The following SLC12A1 variants were observed in gnomAD, a reference collection of about 807,000 sequenced individuals.
The protein encoded by SLC12A1 is Na-K-2Cl cotransporter.
Under a neutral mutation model 130.4 loss-of-function variants are expected in SLC12A1, and 89 were observed. That is an observed-to-expected ratio of 0.68 (90% CI 0.58 to 0.81). The LOEUF is 0.81. Among genes scored for constraint, SLC12A1 ranks in the 40% least tolerant of loss-of-function variants. The pLI, the probability that SLC12A1 is intolerant of heterozygous loss-of-function variation, is 0.00. For missense variants in SLC12A1, 1,310 were observed against 1,336.4 expected (o/e 0.98, Z 0.31); for synonymous variants, 499 against 460.0 (o/e 1.08, Z -1.09).
At chr15:48,271,640 G>C (rs2041900304) in intron 19 of SLC12A1, among the ~76,000 whole-genome samples, 1 of 152,090 alleles carries the variant, frequency 6.6e-6, no homozygotes, top group Non-Finnish European at 1.5e-5. Context: ...TCACTCAACA[G>C]TCTTTCTAAT....
At chr15:48,230,787 G>A (rs544237771) in intron 7 of SLC12A1, among the ~76,000 whole-genome samples, 2 of 152,316 alleles carry the variant, frequency 1.3e-5, no homozygotes, top group East Asian at 1.9e-4. Context: ...AGTGGTGCAC[G>A]CTGGAAGCCT....
chr15:48,238,670 A>C (rs1211354121), intron 9 of SLC12A1, among the ~76,000 whole-genome samples: 1 of 152,168 alleles, frequency 6.6e-6, no homozygotes, highest in Admixed American at 6.6e-5. Flanking sequence ...TTCTCTTTGA[A>C]AGTGAACCTA....
intron 3 of SLC12A1, 73 bp from the exon 4 acceptor site, chr15:48,220,848 C>G: frequency 1.2e-6 from 2 of 1,609,958 alleles, no homozygotes; most frequent in South Asian, 2.2e-5. Flanking sequence ...CTGGGCACAG[C>G]TTTATGAAGA....
chr15:48,245,795 T>C (rs148974552), intron 11 of SLC12A1, among the ~76,000 whole-genome samples: 4 of 152,232 alleles, frequency 2.6e-5, no homozygotes, highest in African/African-American at 7.2e-5. Flanking sequence ...AGTAAAGAGA[T>C]TGCTCGGTCA....
intron 2 of SLC12A1, among the ~76,000 whole-genome samples, chr15:48,210,855 C>T (rs2041044351): frequency 6.6e-6 from 1 of 151,374 alleles, no homozygotes; most frequent in African/African-American, 2.4e-5. Flanking sequence ...AGGAGTGAAA[C>T]TCCATCTCAA....
intron 13 of SLC12A1, among the ~76,000 whole-genome samples, chr15:48,247,837 T>G (rs893212400): frequency 6.6e-6 from 1 of 152,224 alleles, no homozygotes; most frequent in Admixed American, 6.5e-5. Context: ...ACTGACCATC[T>G]ATATCGCAAT....
intron 15 of SLC12A1, 91 bp from the exon 16 acceptor site, chr15:48,255,720 A>G: frequency 2.4e-6 from 2 of 828,600 alleles, no homozygotes; most frequent in Non-Finnish European, 3.8e-6. Context: ...TAGCCAAGGA[A>G]AATCATAGAA....
intron 2 of SLC12A1, among the ~76,000 whole-genome samples, chr15:48,211,447 T>G (rs980187418): frequency 5.9e-5 from 9 of 152,172 alleles, no homozygotes; most frequent in African/African-American, 1.9e-4. Flanking sequence ...CCCTTGACAT[T>G]TTTATGGTAG....
At chr15:48,274,477 A>G in intron 19 of SLC12A1, 94 bp from the exon 20 acceptor site, 1 of 789,582 alleles carries the variant, frequency 1.3e-6, no homozygotes, top group Admixed American at 2.0e-5. Context: ...TAGTTTCATT[A>G]TATCAAAATC....
At chr15:48,213,545 C>T (rs2041081643) in intron 2 of SLC12A1, among the ~76,000 whole-genome samples, 1 of 149,890 alleles carries the variant, frequency 6.7e-6, no homozygotes, top group South Asian at 2.1e-4. Context: ...GCTCTGTCAC[C>T]CGGGCTAGAG....
intron 7 of SLC12A1, 94 bp downstream of exon 7, chr15:48,230,597 C>T: frequency 2.6e-6 from 2 of 768,372 alleles, no homozygotes; most frequent in Non-Finnish European, 4.5e-6. Context: ...AAAGGAATTG[C>T]TGTTATTACC....
At chr15:48,263,183 T>A (rs988559832) in intron 17 of SLC12A1, among the ~76,000 whole-genome samples, 2 of 152,210 alleles carry the variant, frequency 1.3e-5, no homozygotes, top group African/African-American at 2.4e-5. Context: ...GGAATTTTTT[T>A]ATTAAAATGA....
chr15:48,288,302 CTTAA>C (rs1182560219), intron 22 of SLC12A1, 99 bp from the exon 23 acceptor site: 1 of 1,134,474 alleles, frequency 8.8e-7, no homozygotes, highest in African/African-American at 1.6e-5. Context: ...AAGACTATAA[CTTAA>C]TTAAGAGCTA....
At chr15:48,248,271 C>G (rs542352304) in intron 13 of SLC12A1, among the ~76,000 whole-genome samples, 2 of 152,100 alleles carry the variant, frequency 1.3e-5, no homozygotes, top group Admixed American at 1.3e-4. Context: ...ATCCTCATAG[C>G]ATTTGTATGA....
Position 48,270,244 on chromosome 15 carries a change from G to A in SLC12A1, c.2402+480G>A, listed in dbSNP as rs942282689. On this transcript the variant is annotated intron_variant, in intron 19 of 26. Transcript: ENST00000380993. The stretch of plus-strand genomic sequence containing the variant: ...CTACCAGGTGGAGCATCATTGGCTT[G>A]TGCACAGAATGTGAGTTTCCGGTGG... Among the ~76,000 whole-genome samples the A allele has an allele frequency of 2.0e-5, 3 of 152,158 alleles. No homozygotes were observed. In the East Asian group the frequency reaches 5.8e-4, roughly 29 times the overall value.
rs565811635 is a variant in SLC12A1, at chr15:48,233,404, A to G, written c.1087+566A>G. Among the ~76,000 whole-genome samples the G allele has an allele frequency of 3.9e-5, 6 of 152,346 alleles. No homozygotes were observed. The South Asian group carries it at 6.2e-4, about 16-fold the overall frequency. Reference sequence around the variant, plus strand: ...ATTTGTTCAACCACTGCAGAGCACTAAAGTCAAACATAGTCATTTCTCTCT... The same window carrying G: ...ATTTGTTCAACCACTGCAGAGCACTGAAGTCAAACATAGTCATTTCTCTCT... On this transcript the variant is annotated intron_variant, in intron 8 of 26. Coordinates refer to ENST00000380993, the MANE Select transcript of SLC12A1 (RefSeq NM_000338.3).
intron 26 of SLC12A1, among the ~76,000 whole-genome samples, 180 bp downstream of exon 26, chr15:48,301,562 C>T (rs2042234004): frequency 6.6e-6 from 1 of 150,744 alleles, no homozygotes; most frequent in Admixed American, 6.6e-5. Flanking sequence ...ACTCTGAGAC[C>T]TTGACCCCTC....
At chr15:48,228,641 T>A in intron 5 of SLC12A1, 1 of 255,660 alleles carries the variant, frequency 3.9e-6, no homozygotes, top group South Asian at 4.1e-5. Context: ...GCAAGTTTGA[T>A]TTAAAGAATG....
At chr15:48,255,302 T>C (rs934869771) in intron 15 of SLC12A1, among the ~76,000 whole-genome samples, 5 of 151,232 alleles carry the variant, frequency 3.3e-5, no homozygotes, top group Non-Finnish European at 7.4e-5. Flanking sequence ...TCCAGACATG[T>C]TGGCGGGTGC....
Sources: allele counts gnomAD v4.1 joint callset (sites outside exome capture counted in the v4.1 genomes callset), GRCh38; gene constraint gnomAD v4.1.1; transcripts MANE v1.5; gene names NCBI Gene and HGNC (gene_info 2026-07-23, HGNC 2026-07-21).